Variants in KCNH8 observed in about 807,000 individuals in gnomAD.
The protein encoded by KCNH8 is potassium voltage-gated channel subfamily H member 8, also known as voltage-gated delayed rectifier potassium channel KCNH8.
Under a neutral mutation model 103.6 loss-of-function variants are expected in KCNH8, and 70 were observed. The observed-to-expected ratio is 0.68, with a 90% CI of 0.56 to 0.82. The LOEUF is 0.82. Ranked by LOEUF, KCNH8 falls within the 40% of genes least tolerant of loss-of-function variation. KCNH8 has a pLI of 0.00. For synonymous variants in KCNH8, 498 were observed against 489.4 expected (o/e 1.02, Z -0.23); for missense variants, 1,217 against 1,329.9 (o/e 0.92, Z 1.32).
intron 5 of KCNH8, among the ~76,000 whole-genome samples, chr3:19,359,537 C>T (rs559104233): frequency 2.6e-5 from 4 of 152,006 alleles, no homozygotes; most frequent in East Asian, 3.9e-4. Flanking sequence ...ATTCCTCAAC[C>T]GTGGGACGAC....
intron 11 of KCNH8, among the ~76,000 whole-genome samples, chr3:19,486,578 T>A (rs1159593299): frequency 6.6e-6 from 1 of 151,638 alleles, no homozygotes; most frequent in Non-Finnish European, 1.5e-5. Flanking sequence ...AAACTGTAAC[T>A]GCCATTTTTT....
intron 3 of KCNH8, among the ~76,000 whole-genome samples, chr3:19,340,434 G>A (rs2065645937): frequency 6.7e-6 from 1 of 148,758 alleles, no homozygotes; most frequent in Non-Finnish European, 1.5e-5. Context: ...ATGTATACAT[G>A]TGCCATGCTG....
At chr3:19,308,975 G>C (rs1041515183) in intron 3 of KCNH8, among the ~76,000 whole-genome samples, 3 of 151,676 alleles carry the variant, frequency 2.0e-5, no homozygotes, top group Non-Finnish European at 4.4e-5. Flanking sequence ...AATTAGTAAG[G>C]AGAACAACAG....
chr3:19,461,227 T>C (rs1371512869), intron 11 of KCNH8, among the ~76,000 whole-genome samples: 1 of 152,164 alleles, frequency 6.6e-6, no homozygotes, highest in Non-Finnish European at 1.5e-5. Flanking sequence ...CCTTCATTGT[T>C]TTATACTTCC....
At chr3:19,229,278 T>C (rs2063966628) in intron 1 of KCNH8, among the ~76,000 whole-genome samples, 1 of 152,232 alleles carries the variant, frequency 6.6e-6, no homozygotes, top group African/African-American at 2.4e-5. Context: ...AGGGACTCTG[T>C]GGGGTGCTCC....
chr3:19,528,670 G>A (rs910908700), intron 15 of KCNH8, among the ~76,000 whole-genome samples: 1 of 151,926 alleles, frequency 6.6e-6, no homozygotes, highest in Admixed American at 6.6e-5. Flanking sequence ...TTTGTATCAG[G>A]CAACTTTCCC....
intron 11 of KCNH8, among the ~76,000 whole-genome samples, chr3:19,486,894 G>A (rs560567034): frequency 3.6e-4 from 55 of 152,242 alleles, no homozygotes; most frequent in Middle Eastern, 3.4e-3. Flanking sequence ...TCCCCTTTCC[G>A]AATAGTGAAT....
At chr3:19,188,104 C>G (rs1330775832) in intron 1 of KCNH8, among the ~76,000 whole-genome samples, 5 of 151,982 alleles carry the variant, frequency 3.3e-5, no homozygotes, top group Admixed American at 1.3e-4. Flanking sequence ...TGGAAAATAG[C>G]CCTACTCATT....
At chr3:19,157,718 C>G (rs763454020) in intron 1 of KCNH8, among the ~76,000 whole-genome samples, 1 of 151,848 alleles carries the variant, frequency 6.6e-6, no homozygotes, top group African/African-American at 2.4e-5. Context: ...AATTGAAGTT[C>G]AGAATTTTTT....
chr3:19,331,194 AC>A (rs1227523323), intron 3 of KCNH8, among the ~76,000 whole-genome samples: 2 of 151,408 alleles, frequency 1.3e-5, no homozygotes, highest in East Asian at 3.9e-4. Flanking sequence ...AATAATAGCT[AC>A]ATGTTGACTT....
chr3:19,521,005 G>A (rs1286025228), intron 15 of KCNH8, among the ~76,000 whole-genome samples: 5 of 151,976 alleles, frequency 3.3e-5, no homozygotes, highest in East Asian at 3.9e-4. Flanking sequence ...ATATTAGAAC[G>A]CTTTGACCAC....
chr3:19,193,360 G>A (rs1244259579), intron 1 of KCNH8, among the ~76,000 whole-genome samples: 3 of 151,536 alleles, frequency 2.0e-5, no homozygotes, highest in Non-Finnish European at 4.4e-5. Context: ...ATATTTCCTT[G>A]TCTTTCAGTC....
chr3:19,497,669 G>C (rs76668542), intron 11 of KCNH8, among the ~76,000 whole-genome samples: 1 of 152,096 alleles, frequency 6.6e-6, no homozygotes, highest in Non-Finnish European at 1.5e-5. Flanking sequence ...TTTTGTGGTT[G>C]ATTTTAGAAT....
intron 1 of KCNH8, among the ~76,000 whole-genome samples, chr3:19,250,497 CAAAG>C (rs1346714768): frequency 2.0e-5 from 3 of 152,236 alleles, no homozygotes; most frequent in Admixed American, 6.5e-5. Context: ...CAAATACTAA[CAAAG>C]AAAGCTATTG....
chr3:19,502,496 G>A lies in KCNH8; in HGVS notation c.2041-7867G>A, dbSNP rs2068606899. ...CCTGAGCCAAAAGAACAAAGCTGGA[G>A]GCATCACACTACCTGACTTCAAACT... On this transcript the variant is annotated intron_variant, in intron 11 of 15. Coordinates refer to ENST00000328405, the MANE Select transcript of KCNH8 (RefSeq NM_144633.3). Among the ~76,000 whole-genome samples, 4 of 152,256 alleles carry A rather than the reference G, an allele frequency of 2.6e-5. No homozygotes were observed. The South Asian group carries it at 8.3e-4, about 32-fold the overall frequency.
intron 7 of KCNH8, among the ~76,000 whole-genome samples, chr3:19,432,218 A>G (rs1217096655): frequency 2.6e-5 from 4 of 152,098 alleles, no homozygotes; most frequent in Non-Finnish European, 5.9e-5. Flanking sequence ...ATATTTTTGG[A>G]AAAAAACGTG....
rs374551517 is a variant in KCNH8 at position 19,499,707 on chromosome 3, T to G, written c.2041-10656T>G. Among the ~76,000 whole-genome samples the G allele has an allele frequency of 1.1e-4, 16 of 152,190 alleles. No homozygotes were observed. In the East Asian group the frequency reaches 1.2e-3, roughly 11 times the overall value. On this transcript the variant is annotated intron_variant, in intron 11 of 15. Transcript: ENST00000328405. Reference sequence around the variant, plus strand: ...CAAACTAAGCTTCATAAGTGAAGGATAAATAAAATCCTTTACAGACAAGCA... The same window carrying G: ...CAAACTAAGCTTCATAAGTGAAGGAGAAATAAAATCCTTTACAGACAAGCA...
At chr3:19,321,151 T>C (rs1480459870) in intron 3 of KCNH8, among the ~76,000 whole-genome samples, 1 of 152,038 alleles carries the variant, frequency 6.6e-6, no homozygotes, top group Non-Finnish European at 1.5e-5. Flanking sequence ...GGTTCATTTA[T>C]TTTTTGTATT....
intron 2 of KCNH8, among the ~76,000 whole-genome samples, chr3:19,257,418 G>A (rs2064360475): frequency 6.6e-6 from 1 of 151,930 alleles, no homozygotes; most frequent in African/African-American, 2.4e-5. Flanking sequence ...AAGCTGAGAT[G>A]GACACACTGA....
Sources: gnomAD v4.1 joint callset for allele counts (sites outside exome capture counted in the v4.1 genomes callset) on GRCh38, gnomAD v4.1.1 for gene constraint, MANE v1.5 for transcripts, NCBI Gene and HGNC (gene_info 2026-07-23, HGNC 2026-07-21) for gene names.